The following DCDC1 variants were observed in gnomAD, a reference collection of about 807,000 sequenced individuals.
DCDC1 encodes doublecortin domain-containing protein 1.
In DCDC1, 200 loss-of-function variants were observed where a neutral mutation model predicts 178.3. The ratio of observed to expected loss-of-function variants is 1.12; its 90% CI spans 1.00 to 1.26. DCDC1 has a LOEUF of 1.26. Ranked by LOEUF, DCDC1 falls within the 50% of genes most tolerant of loss-of-function variation. The pLI is 0.00. For synonymous variants in DCDC1, 690 were observed against 604.8 expected (o/e 1.14, Z -2.07); for missense variants, 1,983 against 1,749.2 (o/e 1.13, Z -2.38).
chr11:31,038,794 T>C (rs1446095109), intron 20 of DCDC1, among the ~76,000 whole-genome samples: 1 of 152,014 alleles, frequency 6.6e-6, no homozygotes, highest in Non-Finnish European at 1.5e-5. Flanking sequence ...AGGACAGTTC[T>C]CCTGGGGAAC....
At chr11:30,878,830 G>A in intron 37 of DCDC1, 119 bp from the exon 38 acceptor site, 2 of 880,394 alleles carry the variant, frequency 2.3e-6, no homozygotes, top group Non-Finnish European at 3.3e-6. Flanking sequence ...CCCACCCTGG[G>A]CTCTCTCATT....
intron 1 of DCDC1, among the ~76,000 whole-genome samples, chr11:31,355,859 G>A (rs966483421): frequency 3.3e-5 from 5 of 152,126 alleles, no homozygotes; most frequent in Non-Finnish European, 4.4e-5. Flanking sequence ...GGGAGCTACC[G>A]CACCTGGCTG....
In DCDC1 at chr11:31,278,612, T is replaced by C. The variant is rs576836468; in HGVS notation, c.960+12035A>G. Among the ~76,000 whole-genome samples, 17 of 152,236 alleles carry C rather than the reference T, an allele frequency of 1.1e-4. 1 individual carries two copies. Among genetic ancestry groups the C allele is most frequent in the East Asian group, 1.9e-4 (1 of 5,182 alleles). On this transcript the variant is annotated intron_variant, in intron 7 of 38. Transcript: ENST00000684477. Reference sequence around the variant, plus strand: ...GAATGATTGTATATCATGGTGACTATAGTTAATAACAGTATATTATACACT... The same window carrying C: ...GAATGATTGTATATCATGGTGACTACAGTTAATAACAGTATATTATACACT...
rs763949294 is a variant in DCDC1, at chr11:31,248,032, A to G, written c.1055-6416T>C. Among the ~76,000 whole-genome samples the G allele has an allele frequency of 6.0e-4, 91 of 152,166 alleles. 1 individual carries two copies. Among genetic ancestry groups the G allele is most frequent in the Non-Finnish European group, 2.5e-4 (17 of 68,008 alleles). On this transcript the variant is annotated intron_variant, in intron 8 of 38. Coordinates refer to ENST00000684477, the MANE Select transcript of DCDC1 (RefSeq NM_001387274.1). ...CCTATACCAATACATAAAATTGAAA[A>G]TGCATGACATGGTATTGTAAACTTT...
chr11:30,974,728 C>T (rs190411918), intron 20 of DCDC1, among the ~76,000 whole-genome samples: 7 of 152,090 alleles, frequency 4.6e-5, no homozygotes, highest in East Asian at 3.9e-4. Flanking sequence ...AAAAGTCTTC[C>T]GCAAAGAAAA....
At chr11:30,965,419 C>T (rs1565131649) in intron 20 of DCDC1, among the ~76,000 whole-genome samples, 3 of 152,094 alleles carry the variant, frequency 2.0e-5, no homozygotes. Context: ...TCTGTCCAAT[C>T]CCACAATGAG....
At chr11:30,969,972 T>A (rs1052236425) in intron 20 of DCDC1, among the ~76,000 whole-genome samples, 1 of 152,182 alleles carries the variant, frequency 6.6e-6, no homozygotes, top group Non-Finnish European at 1.5e-5. Flanking sequence ...ATTATCACAC[T>A]TCTAATAGAT....
At chr11:30,887,700 G>A (rs1288417913) in intron 36 of DCDC1, among the ~76,000 whole-genome samples, 1 of 152,058 alleles carries the variant, frequency 6.6e-6, no homozygotes, top group African/African-American at 2.4e-5. Flanking sequence ...TCTCCACAGG[G>A]CTTATTTCTC....
At position 31,350,362 on chromosome 11, in the gene DCDC1, T is replaced by C. The variant is rs1951011233; in HGVS notation, c.-124-14798A>G. Among the ~76,000 whole-genome samples, 12 of 152,170 alleles carry C rather than the reference T, an allele frequency of 7.9e-5. 1 individual carries two copies. The South Asian group carries it at 2.5e-3, about 32-fold the overall frequency. Reference sequence around the variant, plus strand: ...TTTTATAAATTATAAATTATTTTAGTTCTACTTAGGAAAACATTTAATTAA... The same window carrying C: ...TTTTATAAATTATAAATTATTTTAGCTCTACTTAGGAAAACATTTAATTAA... On this transcript the variant is annotated intron_variant, in intron 1 of 38. Coordinates refer to ENST00000684477, the MANE Select transcript of DCDC1 (RefSeq NM_001387274.1).
chr11:31,012,025 G>C (rs1157468647), intron 20 of DCDC1, among the ~76,000 whole-genome samples: 1 of 151,988 alleles, frequency 6.6e-6, no homozygotes, highest in Non-Finnish European at 1.5e-5. Flanking sequence ...CACAAGATTT[G>C]GTTGTTTAAA....
intron 20 of DCDC1, among the ~76,000 whole-genome samples, chr11:30,995,859 T>TTTTGA (rs568992127): frequency 1.5e-3 from 230 of 152,202 alleles, no homozygotes; most frequent in African/African-American, 5.4e-3. Flanking sequence ...GGCCATGAGA[T>TTTTGA]TTTAGATACA....
chr11:31,058,782 C>G (rs1218211642), intron 20 of DCDC1, among the ~76,000 whole-genome samples: 1 of 152,070 alleles, frequency 6.6e-6, no homozygotes, highest in Admixed American at 6.6e-5. Flanking sequence ...AAGAGATAGA[C>G]AAGGTAGGAA....
chr11:31,243,008 A>C (rs1343024946), intron 8 of DCDC1, among the ~76,000 whole-genome samples: 1 of 151,854 alleles, frequency 6.6e-6, no homozygotes, highest in Non-Finnish European at 1.5e-5. Context: ...GTGTGCATAA[A>C]ATTCACTTAT....
At chr11:30,917,059 A>G (rs773399936) in intron 25 of DCDC1, 31 bp from the exon 26 acceptor site, 1 of 1,562,622 alleles carries the variant, frequency 6.4e-7, no homozygotes, top group Non-Finnish European at 8.6e-7. Context: ...ACATAAGTCT[A>G]AGAAATCTCA....
intron 38 of DCDC1, among the ~76,000 whole-genome samples, chr11:30,874,198 T>C (rs894025773): frequency 6.6e-6 from 1 of 152,164 alleles, no homozygotes; most frequent in Non-Finnish European, 1.5e-5. Context: ...GGCCTAAAAC[T>C]CTTGGCAAAG....
At chr11:30,920,198 A>G (rs1341204837) in intron 25 of DCDC1, among the ~76,000 whole-genome samples, 1 of 152,200 alleles carries the variant, frequency 6.6e-6, no homozygotes, top group South Asian at 2.1e-4. Context: ...AATGCAAATG[A>G]GGGTCAATGA....
chr11:31,360,929 G>A (rs957857254), intron 1 of DCDC1, among the ~76,000 whole-genome samples: 1 of 152,186 alleles, frequency 6.6e-6, no homozygotes, highest in African/African-American at 2.4e-5. Context: ...ATCAGATATG[G>A]AGAGTAATTA....
At chr11:31,298,180 T>C (rs1242843784) in intron 6 of DCDC1, among the ~76,000 whole-genome samples, 3 of 152,210 alleles carry the variant, frequency 2.0e-5, no homozygotes, top group Non-Finnish European at 2.9e-5. Context: ...CTTGAATCTC[T>C]ACCTTTTTCC....
At chr11:30,969,575 G>A (rs999300747) in intron 20 of DCDC1, among the ~76,000 whole-genome samples, 6 of 152,156 alleles carry the variant, frequency 3.9e-5, no homozygotes, top group African/African-American at 9.7e-5. Context: ...TGTTACACCA[G>A]CCAAAGGAAA....
Sources: gnomAD v4.1 joint callset for allele counts (sites outside exome capture counted in the v4.1 genomes callset) on GRCh38, gnomAD v4.1.1 for gene constraint, MANE v1.5 for transcripts, NCBI Gene and HGNC (gene_info 2026-07-23, HGNC 2026-07-21) for gene names.